The following RNF180 variants were observed in gnomAD, a reference collection of about 807,000 sequenced individuals.
RNF180 encodes E3 ubiquitin-protein ligase RNF180.
A neutral mutation model predicts 59.2 loss-of-function variants in RNF180; 38 were observed. The observed-to-expected ratio is 0.64, with a 90% CI of 0.50 to 0.84. The LOEUF is 0.84. Among genes scored for constraint, RNF180 ranks in the 40% least tolerant of loss-of-function variants. The pLI, the probability that RNF180 is intolerant of heterozygous loss-of-function variation, is 0.00. For missense variants in RNF180, 705 were observed against 700.9 expected (o/e 1.01, Z -0.07); for synonymous variants, 262 against 240.3 (o/e 1.09, Z -0.84).
At chr5:64,288,310 GTA>G (rs1742396815) in intron 5 of RNF180, among the ~76,000 whole-genome samples, 1 of 152,174 alleles carries the variant, frequency 6.6e-6, no homozygotes, top group Non-Finnish European at 1.5e-5. Context: ...TGGCCTTGTA[GTA>G]TAGTTTGAAG....
At chr5:64,277,340 CT>C (rs918845037) in intron 5 of RNF180, among the ~76,000 whole-genome samples, 4 of 151,930 alleles carry the variant, frequency 2.6e-5, no homozygotes, top group African/African-American at 9.7e-5. Flanking sequence ...AAATATGTAT[CT>C]AAGTTAAAAA....
chr5:64,213,347 T>C (rs1752408724), intron 3 of RNF180, among the ~76,000 whole-genome samples: 3 of 152,194 alleles, frequency 2.0e-5, no homozygotes, highest in Admixed American at 6.5e-5. Context: ...TGATTTGCAA[T>C]ATGTTATCAT....
chr5:64,168,451 G>C (rs989626374), intron 1 of RNF180, among the ~76,000 whole-genome samples: 1 of 152,182 alleles, frequency 6.6e-6, no homozygotes, highest in Non-Finnish European at 1.5e-5. Flanking sequence ...GTAGGCTGAA[G>C]TTCTGTGTGT....
chr5:64,195,152 C>T (rs1399487709), intron 1 of RNF180, among the ~76,000 whole-genome samples: 1 of 152,038 alleles, frequency 6.6e-6, no homozygotes, highest in Non-Finnish European at 1.5e-5. Context: ...ATAAGGAAAA[C>T]TGTATAGGAA....
intron 5 of RNF180, among the ~76,000 whole-genome samples, chr5:64,278,403 A>G (rs1741836845): frequency 6.6e-6 from 1 of 152,180 alleles, no homozygotes; most frequent in African/African-American, 2.4e-5. Context: ...ATTCTATTTT[A>G]AAAGATCTGT....
intron 7 of RNF180, among the ~76,000 whole-genome samples, chr5:64,360,299 G>A (rs951367204): frequency 4.0e-5 from 6 of 151,550 alleles, no homozygotes; most frequent in South Asian, 4.2e-4. Flanking sequence ...TATAAACAGA[G>A]CCAAAGACAA....
chr5:64,255,894 A>C (rs1056192113), intron 5 of RNF180, among the ~76,000 whole-genome samples: 1 of 152,170 alleles, frequency 6.6e-6, no homozygotes, highest in South Asian at 2.1e-4. Context: ...TTGCCATTCA[A>C]ACTGGTGTAA....
intron 5 of RNF180, among the ~76,000 whole-genome samples, chr5:64,218,398 C>A (rs1489009335): frequency 6.6e-6 from 1 of 152,140 alleles, no homozygotes; most frequent in Non-Finnish European, 1.5e-5. Flanking sequence ...CATTGAAATG[C>A]ATTTGCAGCT....
At chr5:64,298,622 T>A (rs1392283777) in intron 5 of RNF180, among the ~76,000 whole-genome samples, 2 of 152,070 alleles carry the variant, frequency 1.3e-5, no homozygotes, top group Non-Finnish European at 1.5e-5. Context: ...CTTCATGTGT[T>A]GAAATTGTTA....
At chr5:64,178,266 CAG>C (rs1232471530) in intron 1 of RNF180, among the ~76,000 whole-genome samples, 9 of 150,424 alleles carry the variant, frequency 6.0e-5, no homozygotes, top group Non-Finnish European at 1.2e-4. Context: ...TATGATCTGA[CAG>C]GGGAGCACCA....
intron 7 of RNF180, among the ~76,000 whole-genome samples, chr5:64,342,006 T>G (rs569039657): frequency 1.3e-5 from 2 of 151,956 alleles, no homozygotes; most frequent in Non-Finnish European, 2.9e-5. Context: ...GAGGCCAGAT[T>G]AGAGGGATGA....
intron 2 of RNF180, among the ~76,000 whole-genome samples, chr5:64,201,600 A>G (rs895416915): frequency 1.3e-5 from 2 of 152,166 alleles, no homozygotes; most frequent in Non-Finnish European, 2.9e-5. Context: ...TCTTTGGGAG[A>G]CATACTCAGC....
chr5:64,277,271 A>G (rs1357126649), intron 5 of RNF180, among the ~76,000 whole-genome samples: 3 of 152,034 alleles, frequency 2.0e-5, no homozygotes, highest in African/African-American at 7.2e-5. Flanking sequence ...AGGCAAGCAA[A>G]ATGGAAAGAA....
chr5:64,282,647 A>C (rs748438617), intron 5 of RNF180, among the ~76,000 whole-genome samples: 26 of 152,116 alleles, frequency 1.7e-4, no homozygotes, highest in Non-Finnish European at 2.1e-4. Flanking sequence ...TTTGAGATCT[A>C]ATTTTTTTAT....
chr5:64,315,689 T>C (rs2112492854), intron 5 of RNF180, among the ~76,000 whole-genome samples: 2 of 145,196 alleles, frequency 1.4e-5, no homozygotes, highest in Admixed American at 1.4e-4. Context: ...TGAGCCAAGA[T>C]CGTGCCATTG....
At chr5:64,307,250 T>C (rs1743521299) in intron 5 of RNF180, among the ~76,000 whole-genome samples, 1 of 151,262 alleles carries the variant, frequency 6.6e-6, no homozygotes, top group African/African-American at 2.4e-5. Flanking sequence ...ATTCATTTAA[T>C]AATATCAGTA....
rs767378753 is a variant in RNF180 at position 64,319,786 on chromosome 5, G to A, written c.1228-5400G>A. Among the ~76,000 whole-genome samples the A allele has an allele frequency of 5.3e-4, 81 of 152,088 alleles. 1 individual carries two copies. The highest frequency in any genetic ancestry group is 8.2e-4 in the Non-Finnish European group (56 of 68,016). Reference sequence around the variant, plus strand: ...GCATACAAGTTATAGGGATGCCTGCGGCCTTTTATTATGAAAACAAACTAG... The same window carrying A: ...GCATACAAGTTATAGGGATGCCTGCAGCCTTTTATTATGAAAACAAACTAG... On this transcript the variant is annotated intron_variant, in intron 5 of 7. Coordinates refer to ENST00000389100, the MANE Select transcript of RNF180 (RefSeq NM_001113561.2).
At chr5:64,197,379 T>C (rs1232173804) in intron 1 of RNF180, among the ~76,000 whole-genome samples, 1 of 152,226 alleles carries the variant, frequency 6.6e-6, no homozygotes, top group African/African-American at 2.4e-5. Flanking sequence ...TTTCAAAGAA[T>C]GCGGTCAAAA....
At chr5:64,237,704 G>A (rs373929250) in intron 5 of RNF180, among the ~76,000 whole-genome samples, 1 of 152,146 alleles carries the variant, frequency 6.6e-6, no homozygotes, top group Non-Finnish European at 1.5e-5. Context: ...TTGAGGAAGA[G>A]ATTGGGTGGG....
Sources: gnomAD v4.1 joint callset for allele counts (sites outside exome capture counted in the v4.1 genomes callset) on GRCh38, gnomAD v4.1.1 for gene constraint, MANE v1.5 for transcripts, NCBI Gene and HGNC (gene_info 2026-07-23, HGNC 2026-07-21) for gene names.